TGOLN2: variants seen among roughly 807,000 people sequenced by gnomAD.
The protein encoded by TGOLN2 is trans-Golgi network integral membrane protein 2.
TGOLN2 carries 19 observed loss-of-function variants against 31.3 expected under a neutral mutation model. The ratio of observed to expected loss-of-function variants is 0.61; its 90% CI spans 0.42 to 0.89. The LOEUF (loss-of-function observed/expected upper bound fraction) is 0.89. TGOLN2 is among the 40% of genes least tolerant of loss of function. The probability of loss-of-function intolerance (pLI) is 0.00; values close to 1 mark genes in which losing one functional copy is unlikely to be tolerated. For missense variants in TGOLN2, 540 were observed against 559.2 expected (o/e 0.97, Z 0.35); for synonymous variants, 222 against 226.7 (o/e 0.98, Z 0.19).
chr2:85,326,567 G>A lies in TGOLN2; in HGVS notation c.1165C>T (p.Leu389=), dbSNP rs775251965. Residue 389 remains leucine, a synonymous_variant, in exon 2 of 4, where the codon CTG becomes TTG. Coordinates refer to ENST00000377386, the MANE Select transcript of TGOLN2 (RefSeq NM_006464.4). ...SAESSHFFAY[L]VTAAILVAVL... The stretch of plus-strand genomic sequence containing the variant: ...GCCACAAGAATGGCTGCAGTCACCA[G>A]ATATGCAAAGAAGTGGCTGCTCTCC... 4 of 1,613,994 alleles carry A rather than the reference G, an allele frequency of 2.5e-6. No homozygotes were observed.
intron 1 of TGOLN2, 89 bp downstream of exon 1, chr2:85,327,828 G>C (rs1241384592): frequency 1.9e-6 from 3 of 1,538,568 alleles, no homozygotes; most frequent in Non-Finnish European, 2.6e-6. Context: ...GGTGGGTCGG[G>C]TAGGGAAGAA....
Position 85,327,060 on chromosome 2 carries a change from G to A in TGOLN2, c.672C>T (p.Ser224=), listed in dbSNP as rs1264738213. 2.5e-6 allele frequency: 4 copies of A among 1,596,992 alleles called. No homozygotes were observed. The highest frequency in any genetic ancestry group is 1.1e-5 in the South Asian group (1 of 90,422). Residue 224 remains serine, a synonymous_variant, in exon 2 of 4, where the codon TCC becomes TCT. Coordinates refer to ENST00000377386, the MANE Select transcript of TGOLN2 (RefSeq NM_006464.4). The part of the protein sequence containing the change: ...KQTPKDGSNK[S]GAEEQGPIDG... ...CTATTGGGCCCTGCTCCTCTGCACC[G>A]GACTTGTTAGAGCCGTCTTTTGGAG...
chr2:85,326,388 T>C, intron 2 of TGOLN2, 120 bp downstream of exon 2: 4 of 944,386 alleles, frequency 4.2e-6, no homozygotes, highest in Non-Finnish European at 6.3e-6. Context: ...AGGAAAAAAC[T>C]GAAGTTTGTT....
rs754006343 is a variant in TGOLN2 at position 85,327,561 on chromosome 2, A to G, written c.171T>C (p.His57=). The G allele has an allele frequency of 2.0e-5, 32 of 1,613,912 alleles. No individual in the cohort carries two copies. The highest frequency in any genetic ancestry group is 2.5e-5 in the Non-Finnish European group (30 of 1,179,906). Residue 57 remains histidine, a synonymous_variant, in exon 2 of 4, where the codon CAT becomes CAC. Coordinates refer to ENST00000377386, the MANE Select transcript of TGOLN2 (RefSeq NM_006464.4). The stretch of plus-strand genomic sequence containing the variant: ...TGTCTTTTGGAGTCTGCGGCTCCGG[A>G]TGCGACTTGGTAGAGCCTCCAGGCC... ...SQRPGGSTKS[H]PEPQTPKDSP...
chr2:85,326,400 T>C (rs867514961), intron 2 of TGOLN2, 108 bp downstream of exon 2: 4 of 1,093,642 alleles, frequency 3.7e-6, no homozygotes, highest in Middle Eastern at 4.6e-4. Flanking sequence ...AAGTTTGTTT[T>C]AAAGTCCCCA....
In TGOLN2 at chr2:85,327,969, C is replaced by T. The variant is rs760245451; in HGVS notation, c.-7G>A. On this transcript the variant is annotated 5_prime_UTR_variant, in exon 1 of 4. Transcript: ENST00000377386. ...AGGCAACCACGAACCGCATCCTGCT[C>T]GGATAGCGCTTCCGCCCTCTAATGC... The T allele has an allele frequency of 6.3e-7, 1 of 1,587,714 alleles. No individual in the cohort carries two copies. Among genetic ancestry groups the T allele is most frequent in the Non-Finnish European group, 8.6e-7 (1 of 1,167,524 alleles).
Position 85,318,457 on chromosome 2 carries a change from T to C in TGOLN2, c.*4279A>G, listed in dbSNP as rs999451503. 1 of 152,224 alleles carries C rather than the reference T, an allele frequency of 6.6e-6. No individual in the cohort carries two copies. Among genetic ancestry groups the C allele is most frequent in the South Asian group, 2.1e-4 (1 of 4,828 alleles). The allele number at this position is 152,224 out of a possible 1,614,324, so 9.4% of individuals were successfully genotyped here. ...GAGTTGAGTCACTGTTAGCTCTGGA[T>C]ATACCGTTAAATTAAACCTCAAAAT... On this transcript the variant is annotated 3_prime_UTR_variant, in exon 4 of 4. Coordinates refer to ENST00000377386, the MANE Select transcript of TGOLN2 (RefSeq NM_006464.4).
chr2:85,325,417 A>G (rs1419946154), intron 2 of TGOLN2, among the ~76,000 whole-genome samples: 1 of 152,160 alleles, frequency 6.6e-6, no homozygotes, highest in Non-Finnish European at 1.5e-5. Flanking sequence ...TTCTTTATCA[A>G]TCTCATTTCA....
Position 85,319,540 on chromosome 2 carries a change from T to C in TGOLN2, c.*3196A>G, listed in dbSNP as rs1178840527. 6.6e-6 allele frequency: 1 copy of C among 152,172 alleles called. No homozygotes were observed. Among genetic ancestry groups the C allele is most frequent in the Non-Finnish European group, 1.5e-5 (1 of 68,026 alleles). The allele number at this position is 152,172 out of a possible 1,614,324, so 9.4% of individuals were successfully genotyped here. Reference sequence around the variant, plus strand: ...TGTATTCTTTCAACACAAGCAATGATACTTCTCAGAGTCTGCTCAAAAGCT... The same window carrying C: ...TGTATTCTTTCAACACAAGCAATGACACTTCTCAGAGTCTGCTCAAAAGCT... On this transcript the variant is annotated 3_prime_UTR_variant, in exon 4 of 4. Coordinates refer to ENST00000377386, the MANE Select transcript of TGOLN2 (RefSeq NM_006464.4).
chr2:85,324,194 G>A (rs538200462), intron 3 of TGOLN2, among the ~76,000 whole-genome samples: 15 of 152,192 alleles, frequency 9.9e-5, no homozygotes, highest in East Asian at 1.9e-4. Context: ...AGGTCGAGGC[G>A]GGCGGATCAC....
Position 85,322,114 on chromosome 2 carries a change from CCTG to C in TGOLN2, c.*619_*621del, listed in dbSNP as rs1390534274. ...CCCAAAAAAGCATCTTTTTTTTTAA[CCTG>C]CTGTTTTGGTTTGCTGCTGAAGTCT... On this transcript the variant is annotated 3_prime_UTR_variant, in exon 4 of 4. Coordinates refer to ENST00000377386, the MANE Select transcript of TGOLN2 (RefSeq NM_006464.4). The C allele has an allele frequency of 6.6e-6, 1 of 152,408 alleles. No homozygotes were observed. Among genetic ancestry groups the C allele is most frequent in the Non-Finnish European group, 1.5e-5 (1 of 68,284 alleles). 9.4% of individuals were successfully genotyped at this position (152,408 alleles called of 1,614,324 possible). A position where few individuals can be genotyped will look rare whatever the true frequency, so the allele number is the denominator to read the frequency against.
In TGOLN2 at chr2:85,319,166, T is replaced by C. The variant is rs1242360867; in HGVS notation, c.*3570A>G. 1.3e-5 allele frequency: 2 copies of C among 151,864 alleles called. No homozygotes were observed. The highest frequency in any genetic ancestry group is 2.9e-5 in the Non-Finnish European group (2 of 67,980). The allele number at this position is 151,864 out of a possible 1,614,324, so 9.4% of individuals were successfully genotyped here. ...CTCTGATGTGCGGTATTTTCTTCAA[T>C]GCTATTTCTTTCTTTTTTTTTTTTT... On this transcript the variant is annotated 3_prime_UTR_variant, in exon 4 of 4. Transcript: ENST00000377386.
In TGOLN2 at chr2:85,327,951, C is replaced by CTT; in HGVS notation, c.11_12insAA (p.Val5ArgfsTer7). The CTT allele has an allele frequency of 6.3e-7, 1 of 1,599,146 alleles. No homozygotes were observed. On this transcript the variant is annotated frameshift_variant, in exon 1 of 4. Transcript: ENST00000377386. LOFTEE classifies it high-confidence loss of function. ...CGACGTTCAGGAGGACCAAGGCAAC[C>CTT]ACGAACCGCATCCTGCTCGGATAGC... is the stretch of plus-strand genomic sequence containing the variant.
rs1394656137 is a variant in TGOLN2 at position 85,319,237 on chromosome 2, G to GCACGATCTCGGCTCACTGC, written c.*3480_*3498dup. ...TCTATTGGCAGGTTGGAGTTCAGTG[G>GCACGATCTCGGCTCACTGC]CACGATCTCGGCTCACTGCAACCTC... is the stretch of plus-strand genomic sequence containing the variant. On this transcript the variant is annotated 3_prime_UTR_variant, in exon 4 of 4. Transcript: ENST00000377386. 6.8e-6 allele frequency: 1 copy of GCACGATCTCGGCTCACTGC among 146,952 alleles called. No homozygotes were observed. The highest frequency in any genetic ancestry group is 1.5e-5 in the Non-Finnish European group (1 of 67,186). 9.1% of individuals were successfully genotyped at this position (146,952 alleles called of 1,614,324 possible). A position where few individuals can be genotyped will look rare whatever the true frequency, so the allele number is the denominator to read the frequency against.
Position 85,322,177 on chromosome 2 carries a change from C to A in TGOLN2, c.*559G>T, listed in dbSNP as rs1485907783. On this transcript the variant is annotated 3_prime_UTR_variant, in exon 4 of 4. Coordinates refer to ENST00000377386, the MANE Select transcript of TGOLN2 (RefSeq NM_006464.4). ...ATTATGTATTCAAAGTAGCTCTTTG[C>A]CCATTGGCATTTCCCCATCTTCTAT... 1.3e-5 allele frequency: 2 copies of A among 156,344 alleles called. No homozygotes were observed. The highest frequency in any genetic ancestry group is 4.8e-5 in the African/African-American group (2 of 41,460). 9.7% of individuals were successfully genotyped at this position (156,344 alleles called of 1,614,324 possible).
rs2104407607 is a variant in TGOLN2, at chr2:85,321,730, C to A, written c.*1006G>T. The A allele has an allele frequency of 6.6e-6, 1 of 152,314 alleles. No homozygotes were observed. Among genetic ancestry groups the A allele is most frequent in the Middle Eastern group, 3.4e-3 (1 of 294 alleles). 9.4% of individuals were successfully genotyped at this position (152,314 alleles called of 1,614,324 possible). ...ATAGTTTCTATTAATAAATCTAAGT[C>A]TATTTTGTCTGTTTTAGGCAACAAA... On this transcript the variant is annotated 3_prime_UTR_variant, in exon 4 of 4. Coordinates refer to ENST00000377386, the MANE Select transcript of TGOLN2 (RefSeq NM_006464.4).
intron 2 of TGOLN2, among the ~76,000 whole-genome samples, chr2:85,325,375 C>T (rs1486699759): frequency 6.6e-6 from 1 of 152,134 alleles, no homozygotes; most frequent in African/African-American, 2.4e-5. Context: ...TACAAATGTA[C>T]TTTTTCACCC....
Position 85,326,699 on chromosome 2 carries a change from T to C in TGOLN2, c.1033A>G (p.Lys345Glu), listed in dbSNP as rs1682743982. The part of the protein sequence containing the change: ...EGSPPKEEKE[K>E]MSGSASSENR... ...TCACTGGAGGCAGAACCGGACATCT[T>C]TTCTTTCTCTTCTTTGGGCGGTGAG... Residue 345 changes from lysine to glutamate, a missense_variant, in exon 2 of 4, where the codon AAG (lysine) becomes GAG (glutamate). By Grantham distance (56) the Lys-to-Glu change is moderately conservative (BLOSUM62 1). Transcript: ENST00000377386. 6.2e-7 allele frequency: 1 copy of C among 1,613,924 alleles called. No homozygotes were observed.
At chr2:85,325,949 G>A (rs779364071) in intron 2 of TGOLN2, among the ~76,000 whole-genome samples, 3 of 152,192 alleles carry the variant, frequency 2.0e-5, no homozygotes, top group African/African-American at 4.8e-5. Flanking sequence ...CTAATAAACA[G>A]ACCAAACCCT....
Sources: allele counts gnomAD v4.1 joint callset (sites outside exome capture counted in the v4.1 genomes callset), GRCh38; gene constraint gnomAD v4.1.1; transcripts MANE v1.5; gene names NCBI Gene and HGNC (gene_info 2026-07-23, HGNC 2026-07-21).